C4BPA: variants seen among roughly 807,000 people sequenced by gnomAD.
C4BPA encodes complement component 4 binding protein alpha, also known as C4b-binding protein alpha chain.
C4BPA carries 31 observed loss-of-function variants against 63.7 expected under a neutral mutation model. The ratio of observed to expected loss-of-function variants is 0.49; its 90% CI spans 0.37 to 0.66. The LOEUF (loss-of-function observed/expected upper bound fraction) is 0.66. Ranked by LOEUF, C4BPA falls within the 30% of genes least tolerant of loss-of-function variation. C4BPA has a pLI of 0.00. For synonymous variants in C4BPA, 259 were observed against 254.7 expected (o/e 1.02, Z -0.16); for missense variants, 572 against 723.3 (o/e 0.79, Z 2.40).
chr1:207,118,492 T>C lies in C4BPA; in HGVS notation c.428+2977T>C, dbSNP rs576245550. Among the ~76,000 whole-genome samples, 321 of 152,172 alleles carry C rather than the reference T, an allele frequency of 2.1e-3. 2 individuals carry two copies. The highest frequency in any genetic ancestry group is 3.5e-3 in the Non-Finnish European group (236 of 67,984). ...TTCACATGGCGGCAGGGAGGAGAAG[T>C]GTTGAGTAAAGGGGGAAAAGCCCCT... On this transcript the variant is annotated intron_variant, in intron 4 of 11. Coordinates refer to ENST00000367070, the MANE Select transcript of C4BPA (RefSeq NM_000715.4).
At chr1:207,122,923 AG>A (rs1425611582) in intron 4 of C4BPA, among the ~76,000 whole-genome samples, 19 of 152,196 alleles carry the variant, frequency 1.2e-4, no homozygotes, top group Non-Finnish European at 2.2e-4. Flanking sequence ...TTCCTTCTTT[AG>A]GTTATCCAAT....
chr1:207,138,843 G>A (rs1330151795), intron 9 of C4BPA, among the ~76,000 whole-genome samples: 1 of 152,140 alleles, frequency 6.6e-6, no homozygotes, highest in Non-Finnish European at 1.5e-5. Flanking sequence ...GTTTGGATGG[G>A]ATATCTTAGT....
At chr1:207,116,512 GTA>G (rs369612538) in intron 4 of C4BPA, among the ~76,000 whole-genome samples, 18 of 44,820 alleles carry the variant, frequency 4.0e-4, no homozygotes, top group African/African-American at 7.2e-4. Flanking sequence ...GTGTGTGTGT[GTA>G]TATGTGTGTG....
At chr1:207,113,238 T>TA (rs371691382) in intron 2 of C4BPA, 71 bp downstream of exon 2, 481 of 1,504,670 alleles carry the variant, frequency 3.2e-4, no homozygotes, top group East Asian at 5.2e-4. Context: ...CTTTTAAGGC[T>TA]AAAAAAAATG....
intron 7 of C4BPA, 39 bp from the exon 8 acceptor site, chr1:207,131,507 A>T: frequency 6.9e-7 from 1 of 1,454,524 alleles, no homozygotes; most frequent in Non-Finnish European, 9.6e-7. Context: ...CCCTAGTAAT[A>T]GCGTCCTTTT....
intron 8 of C4BPA, among the ~76,000 whole-genome samples, chr1:207,133,489 T>C (rs1455576679): frequency 6.6e-6 from 1 of 152,234 alleles, no homozygotes; most frequent in Admixed American, 6.5e-5. Context: ...TTTGGCCAGA[T>C]GTGGTGGCTC....
At chr1:207,124,877 T>C (rs1370343509) in intron 6 of C4BPA, among the ~76,000 whole-genome samples, 1 of 152,168 alleles carries the variant, frequency 6.6e-6, no homozygotes, top group African/African-American at 2.4e-5. Context: ...TGTCTCAAAC[T>C]AGAGAGTAGC....
intron 8 of C4BPA, among the ~76,000 whole-genome samples, chr1:207,132,973 C>T (rs956258137): frequency 6.6e-5 from 10 of 152,114 alleles, no homozygotes; most frequent in South Asian, 2.1e-4. Context: ...TGCAGTGAGC[C>T]GAGATCATGC....
Position 207,112,812 on chromosome 1 carries a change from G to T in C4BPA, c.-25-189G>T, listed in dbSNP as rs1362252944. 3 of 514,874 alleles carry T rather than the reference G, an allele frequency of 5.8e-6. 1 individual carries two copies. The East Asian group carries it at 1.1e-4, about 18-fold the overall frequency. The allele number at this position is 514,874 out of a possible 1,614,324, so 31.9% of individuals were successfully genotyped here. A position where few individuals can be genotyped will look rare whatever the true frequency, so the allele number is the denominator to read the frequency against. ...CACTTGGAATCAATCTCTCTTCTGA[G>T]CTCACAGCTTCTGCAGAGGCCAATC... On this transcript the variant is annotated intron_variant, in intron 1 of 11. Coordinates refer to ENST00000367070, the MANE Select transcript of C4BPA (RefSeq NM_000715.4).
At chr1:207,105,377 G>A (rs1457741727) in intron 1 of C4BPA, among the ~76,000 whole-genome samples, 1 of 151,954 alleles carries the variant, frequency 6.6e-6, no homozygotes, top group Non-Finnish European at 1.5e-5. Flanking sequence ...GACCAACATG[G>A]AGAACCCCTG....
At chr1:207,128,459 C>T (rs1176785537) in intron 7 of C4BPA, among the ~76,000 whole-genome samples, 4 of 152,208 alleles carry the variant, frequency 2.6e-5, no homozygotes. Flanking sequence ...AAACACTCTG[C>T]CCCTTTCAAG....
intron 5 of C4BPA, 62 bp downstream of exon 5, chr1:207,124,069 G>A (rs917865398): frequency 8.1e-6 from 12 of 1,489,534 alleles, no homozygotes; most frequent in African/African-American, 1.4e-5. Flanking sequence ...TAAAGTCCCT[G>A]TGCATCTTTA....
intron 4 of C4BPA, among the ~76,000 whole-genome samples, chr1:207,120,928 C>T (rs922218182): frequency 2.0e-5 from 3 of 152,192 alleles, no homozygotes; most frequent in Admixed American, 2.0e-4. Context: ...CTTGCCTCAG[C>T]CTTCTGAGTA....
At chr1:207,121,115 C>T (rs976765659) in intron 4 of C4BPA, among the ~76,000 whole-genome samples, 2 of 152,144 alleles carry the variant, frequency 1.3e-5, no homozygotes, top group African/African-American at 2.4e-5. Context: ...GTCAGATCTA[C>T]TTTCTTGATA....
intron 9 of C4BPA, among the ~76,000 whole-genome samples, chr1:207,137,220 G>A (rs560945045): frequency 6.6e-6 from 1 of 152,334 alleles, no homozygotes; most frequent in South Asian, 2.1e-4. Flanking sequence ...AGGGGATTAG[G>A]GGTGGAGGTG....
intron 7 of C4BPA, 22 bp downstream of exon 7, chr1:207,126,917 A>C (rs761009386): frequency 6.3e-7 from 1 of 1,590,716 alleles, no homozygotes; most frequent in Non-Finnish European, 8.6e-7. Context: ...CTGTGACAGA[A>C]TTTCAATGTT....
chr1:207,139,411 AC>A, intron 9 of C4BPA, among the ~76,000 whole-genome samples: 5 of 151,906 alleles, frequency 3.3e-5, no homozygotes, highest in Admixed American at 3.3e-4. Flanking sequence ...TTTCTCTCCC[AC>A]CCCTGGGAGA....
chr1:207,135,914 G>A (rs924469150), intron 9 of C4BPA, among the ~76,000 whole-genome samples: 4 of 152,198 alleles, frequency 2.6e-5, no homozygotes, highest in Non-Finnish European at 5.9e-5. Flanking sequence ...CTAGTTGGAT[G>A]TAGTGGATCC....
intron 2 of C4BPA, 145 bp from the exon 3 acceptor site, chr1:207,113,955 G>C (rs1255865109): frequency 4.8e-6 from 3 of 619,632 alleles, no homozygotes; most frequent in Non-Finnish European, 8.6e-6. Context: ...ATTGAACAGA[G>C]AGTATAATAG....
Sources: gnomAD v4.1 joint callset for allele counts (sites outside exome capture counted in the v4.1 genomes callset) on GRCh38, gnomAD v4.1.1 for gene constraint, MANE v1.5 for transcripts, NCBI Gene and HGNC (gene_info 2026-07-23, HGNC 2026-07-21) for gene names.